Variants in HMGCLL1 observed in about 807,000 individuals in gnomAD.
HMGCLL1 encodes 3-hydroxy-3-methylglutaryl-CoA lyase like 1.
A neutral mutation model predicts 39.1 loss-of-function variants in HMGCLL1; 36 were observed. That is an observed-to-expected ratio of 0.92 (90% confidence interval 0.71 to 1.22). HMGCLL1 has a LOEUF of 1.22. Among genes scored for constraint, HMGCLL1 ranks in the 50% most tolerant of loss-of-function variants. The pLI is 0.00. For missense variants in HMGCLL1, 451 were observed against 416.5 expected (o/e 1.08, Z -0.72); for synonymous variants, 149 against 144.0 (o/e 1.03, Z -0.25).
At chr6:55,613,629 A>G in the HMGCLL1 span, among the ~76,000 whole-genome samples, 16 of 152,124 alleles carry the variant, frequency 1.1e-4, no homozygotes, top group Admixed American at 1.1e-3. Context: ...CTTTGCAGGG[A>G]CATGGATTTA....
chr6:55,659,769 C>T, the HMGCLL1 span, among the ~76,000 whole-genome samples: 1 of 151,822 alleles, frequency 6.6e-6, no homozygotes, highest in Non-Finnish European at 1.5e-5. Flanking sequence ...TAGGTTATTC[C>T]TTCCTGAATA....
At chr6:55,508,628 C>T (rs1395253068) in intron 5 of HMGCLL1, among the ~76,000 whole-genome samples, 19 of 151,744 alleles carry the variant, frequency 1.3e-4, no homozygotes, top group Non-Finnish European at 7.4e-5. Context: ...TAATATGTTG[C>T]ACAACTCTCT....
At chr6:55,528,640 A>ATT in intron 3 of HMGCLL1, among the ~76,000 whole-genome samples, 1 of 84,222 alleles carries the variant, frequency 1.2e-5, no homozygotes, top group East Asian at 3.1e-4. Context: ...TTGAACATCC[A>ATT]GTTTTTTTTT....
At chr6:55,589,357 T>G in the HMGCLL1 span, among the ~76,000 whole-genome samples, 242 of 152,212 alleles carry the variant, frequency 1.6e-3, 5 homozygotes, top group African/African-American at 5.6e-3. Flanking sequence ...CAACAACGCT[T>G]CATGCTAAAA....
At chr6:55,600,422 G>C in the HMGCLL1 span, among the ~76,000 whole-genome samples, 17 of 152,108 alleles carry the variant, frequency 1.1e-4, no homozygotes, top group Non-Finnish European at 2.1e-4. Flanking sequence ...GCTCTGATTT[G>C]ATGTGTAAAA....
the HMGCLL1 span, among the ~76,000 whole-genome samples, chr6:55,586,145 T>G: frequency 0.39 from 59,454 of 151,944 alleles, 12,019 homozygotes; most frequent in East Asian, 0.6. Context: ...ATAATGTTGC[T>G]TAACTAACTA....
At chr6:55,510,354 C>T (rs899935833) in intron 5 of HMGCLL1, among the ~76,000 whole-genome samples, 13 of 151,436 alleles carry the variant, frequency 8.6e-5, no homozygotes, top group African/African-American at 4.8e-5. Flanking sequence ...ATGTTTATTG[C>T]GGCACTATTC....
intron 7 of HMGCLL1, among the ~76,000 whole-genome samples, chr6:55,486,068 G>A (rs1253910007): frequency 6.7e-6 from 1 of 148,968 alleles, no homozygotes; most frequent in Non-Finnish European, 1.5e-5. Flanking sequence ...GGCTATGTCG[G>A]TGTATACACA....
chr6:55,438,190 A>G (rs1012932434), intron 8 of HMGCLL1, among the ~76,000 whole-genome samples: 1 of 152,104 alleles, frequency 6.6e-6, no homozygotes, highest in Non-Finnish European at 1.5e-5. Flanking sequence ...CTTCTGATAT[A>G]AATGATTAAG....
intron 7 of HMGCLL1, among the ~76,000 whole-genome samples, chr6:55,493,971 G>A (rs1034266985): frequency 6.6e-6 from 1 of 151,624 alleles, no homozygotes; most frequent in Non-Finnish European, 1.5e-5. Flanking sequence ...TCCTGACCTC[G>A]TCGTGATCCG....
chr6:55,665,869 T>A, the HMGCLL1 span, among the ~76,000 whole-genome samples: 1 of 151,804 alleles, frequency 6.6e-6, no homozygotes, highest in Non-Finnish European at 1.5e-5. Flanking sequence ...TTCTGAACTC[T>A]AAGTTATGTT....
the HMGCLL1 span, among the ~76,000 whole-genome samples, chr6:55,589,174 G>A: frequency 1.3e-5 from 2 of 152,094 alleles, no homozygotes; most frequent in East Asian, 1.9e-4. Flanking sequence ...CTGGCAAACC[G>A]AATCCAGCAA....
At chr6:55,665,118 C>T in the HMGCLL1 span, among the ~76,000 whole-genome samples, 1 of 151,712 alleles carries the variant, frequency 6.6e-6, no homozygotes, top group Non-Finnish European at 1.5e-5. Context: ...ATCATTTCCC[C>T]TCCCTGCTTA....
At chr6:55,491,774 C>A (rs1168151707) in intron 7 of HMGCLL1, among the ~76,000 whole-genome samples, 1 of 152,088 alleles carries the variant, frequency 6.6e-6, no homozygotes, top group East Asian at 1.9e-4. Context: ...CGTTTTGTCA[C>A]CTCATTTTCT....
the HMGCLL1 span, among the ~76,000 whole-genome samples, chr6:55,593,684 G>T: frequency 6.6e-6 from 1 of 151,986 alleles, no homozygotes; most frequent in Admixed American, 6.6e-5. Flanking sequence ...GAAATACATG[G>T]TATATATTAT....
chr6:55,588,072 A>C, the HMGCLL1 span, among the ~76,000 whole-genome samples: 6 of 152,174 alleles, frequency 3.9e-5, no homozygotes, highest in Admixed American at 3.9e-4. Context: ...CATCTCCAGA[A>C]CTCTCCACCC....
the HMGCLL1 span, among the ~76,000 whole-genome samples, chr6:55,667,626 G>A: frequency 6.6e-6 from 1 of 151,576 alleles, no homozygotes; most frequent in South Asian, 2.1e-4. Context: ...TGGTGGTGGT[G>A]GTGATTTGTT....
intron 8 of HMGCLL1, among the ~76,000 whole-genome samples, chr6:55,436,574 T>C (rs1462724126): frequency 6.6e-6 from 1 of 152,022 alleles, no homozygotes; most frequent in Non-Finnish European, 1.5e-5. Context: ...TTATGTGGCA[T>C]TTCATAAGCT....
intron 1 of HMGCLL1, chr6:55,563,823 A>C: frequency 8.1e-7 from 1 of 1,228,536 alleles, no homozygotes; most frequent in Non-Finnish European, 1.1e-6. Context: ...TCTCACCTTT[A>C]GTAAAAGAGG....
Sources: gnomAD v4.1 joint callset for allele counts (sites outside exome capture counted in the v4.1 genomes callset) on GRCh38, gnomAD v4.1.1 for gene constraint, MANE v1.5 for transcripts, NCBI Gene and HGNC (gene_info 2026-07-23, HGNC 2026-07-21) for gene names.